MRPS27: variants seen among roughly 807,000 people sequenced by gnomAD.
MRPS27 encodes the protein mitochondrial ribosomal protein S27.
Under a neutral mutation model 48.9 loss-of-function variants are expected in MRPS27, and 43 were observed. That is an observed-to-expected ratio of 0.88 (90% CI 0.69 to 1.13). MRPS27 has a LOEUF of 1.13. Among genes scored for constraint, MRPS27 ranks in the 50% most tolerant of loss-of-function variants. The probability of loss-of-function intolerance (pLI) is 0.00; values close to 1 mark genes in which losing one functional copy is unlikely to be tolerated. For missense variants in MRPS27, 467 were observed against 476.3 expected, an observed-to-expected ratio of 0.98 and a Z score of 0.18; for synonymous variants, 188 against 171.9, an observed-to-expected ratio of 1.09 and a Z score of -0.73.
At chr5:72,284,424 T>C (rs529395585) in intron 4 of MRPS27, among the ~76,000 whole-genome samples, 9 of 150,046 alleles carry the variant, frequency 6.0e-5, no homozygotes, top group Admixed American at 4.0e-4. Flanking sequence ...ACCCTGTCTT[T>C]AAATTAAAAA....
At chr5:72,279,648 T>C (rs1001623604) in intron 4 of MRPS27, among the ~76,000 whole-genome samples, 2 of 151,842 alleles carry the variant, frequency 1.3e-5, no homozygotes, top group African/African-American at 2.4e-5. Context: ...TTCTGAATCA[T>C]GGAAGACAAC....
intron 4 of MRPS27, among the ~76,000 whole-genome samples, chr5:72,291,738 C>T (rs114162545): frequency 3.9e-5 from 6 of 152,276 alleles, no homozygotes; most frequent in Non-Finnish European, 7.4e-5. Flanking sequence ...CTGTAGACAC[C>T]GATAAGGCAG....
chr5:72,299,974 T>A (rs1750086033), intron 2 of MRPS27, among the ~76,000 whole-genome samples: 1 of 152,178 alleles, frequency 6.6e-6, no homozygotes, highest in Non-Finnish European at 1.5e-5. Context: ...TTGAATGGTG[T>A]TAAACAAAAA....
At chr5:72,221,254 G>T in intron 10 of MRPS27, 106 bp from the exon 11 acceptor site, 1 of 1,388,102 alleles carries the variant, frequency 7.2e-7, no homozygotes, top group Non-Finnish European at 9.8e-7. Context: ...TTGAACAAAA[G>T]TTTGCTGACT....
intron 2 of MRPS27, among the ~76,000 whole-genome samples, chr5:72,304,279 CAAAAATA>C (rs1206311669): frequency 6.6e-6 from 1 of 150,816 alleles, no homozygotes; most frequent in Non-Finnish European, 1.5e-5. Flanking sequence ...AAAATCAATC[CAAAAATA>C]AAAAATAAAG....
intron 2 of MRPS27, among the ~76,000 whole-genome samples, chr5:72,306,174 G>A (rs180734305): frequency 1.3e-5 from 2 of 152,230 alleles, no homozygotes; most frequent in East Asian, 3.9e-4. Context: ...CTATTTCAGG[G>A]TAAGTAAACT....
intron 4 of MRPS27, among the ~76,000 whole-genome samples, chr5:72,289,311 A>C (rs889678057): frequency 1.3e-5 from 2 of 152,240 alleles, no homozygotes; most frequent in African/African-American, 4.8e-5. Flanking sequence ...CTGTATTCTG[A>C]GAAAAACTCA....
intron 7 of MRPS27, among the ~76,000 whole-genome samples, chr5:72,230,173 G>A (rs530367166): frequency 6.6e-6 from 1 of 152,244 alleles, no homozygotes; most frequent in African/African-American, 2.4e-5. Context: ...AAGATTACAG[G>A]CATGAGCCAC....
chr5:72,304,443 TATATAAATC>T (rs1228484540), intron 2 of MRPS27, among the ~76,000 whole-genome samples: 1 of 152,116 alleles, frequency 6.6e-6, no homozygotes, highest in Non-Finnish European at 1.5e-5. Flanking sequence ...AAAAGCTAGC[TATATAAATC>T]ATATAAACAC....
chr5:72,307,313 T>C (rs1055351365), intron 2 of MRPS27, among the ~76,000 whole-genome samples: 1 of 152,156 alleles, frequency 6.6e-6, no homozygotes, highest in South Asian at 2.1e-4. Context: ...GATCGTGCCA[T>C]TGCACTCCAA....
intron 4 of MRPS27, among the ~76,000 whole-genome samples, chr5:72,290,047 A>T (rs1561356440): frequency 6.6e-6 from 1 of 152,250 alleles, no homozygotes; most frequent in Non-Finnish European, 1.5e-5. Flanking sequence ...GAATGGTTAA[A>T]GCTTGTCATA....
At chr5:72,225,044 G>C (rs1311399897) in intron 9 of MRPS27, among the ~76,000 whole-genome samples, 2 of 152,196 alleles carry the variant, frequency 1.3e-5, no homozygotes, top group Non-Finnish European at 2.9e-5. Flanking sequence ...CTGTTAGAAT[G>C]CAAAGAATGC....
At chr5:72,249,204 C>T (rs1367399822) in intron 4 of MRPS27, among the ~76,000 whole-genome samples, 1 of 152,174 alleles carries the variant, frequency 6.6e-6, no homozygotes, top group African/African-American at 2.4e-5. Context: ...AATAGTTCTA[C>T]TTCTATACCT....
Position 72,219,801 on chromosome 5 carries a change from C to T in MRPS27, c.*1108G>A, listed in dbSNP as rs1295373153. On this transcript the variant is annotated 3_prime_UTR_variant, in exon 11 of 11. Transcript: ENST00000261413. ...AAGTTGTGTGTGCATGCACATGTGCCTCTGTGTGTACACAAAAGGCTCATT... is the reference window on the plus strand; with the variant it reads ...AAGTTGTGTGTGCATGCACATGTGCTTCTGTGTGTACACAAAAGGCTCATT... 1 of 152,082 alleles carries T rather than the reference C, an allele frequency of 6.6e-6. No homozygotes were observed. The highest frequency in any genetic ancestry group is 1.9e-4 in the East Asian group (1 of 5,182). The allele number at this position is 152,082 out of a possible 1,614,324, so 9.4% of individuals were successfully genotyped here. A position where few individuals can be genotyped will look rare whatever the true frequency, so the allele number is the denominator to read the frequency against.
At chr5:72,307,176 A>AC (rs965550944) in intron 2 of MRPS27, among the ~76,000 whole-genome samples, 4 of 152,060 alleles carry the variant, frequency 2.6e-5, no homozygotes, top group East Asian at 1.9e-4. Flanking sequence ...AAAAGGCAAG[A>AC]CCCCATCTCT....
intron 4 of MRPS27, among the ~76,000 whole-genome samples, chr5:72,238,852 C>T (rs1383021503): frequency 6.6e-6 from 1 of 152,130 alleles, no homozygotes; most frequent in East Asian, 1.9e-4. Flanking sequence ...ATTCCAAATG[C>T]TGCTTTTTCC....
intron 1 of MRPS27, among the ~76,000 whole-genome samples, chr5:72,318,642 A>G (rs1750632013): frequency 6.6e-6 from 1 of 152,196 alleles, no homozygotes; most frequent in Admixed American, 6.5e-5. Flanking sequence ...TGAAAATACA[A>G]AATTAGCCGG....
At chr5:72,241,603 G>A (rs892477040) in intron 4 of MRPS27, 11 of 1,508,778 alleles carry the variant, frequency 7.3e-6, no homozygotes, top group African/African-American at 1.4e-5. Flanking sequence ...TCAACTTCCA[G>A]TAGTAATATG....
intron 5 of MRPS27, among the ~76,000 whole-genome samples, chr5:72,234,403 T>C (rs1473363969): frequency 6.6e-6 from 1 of 152,030 alleles, no homozygotes; most frequent in Non-Finnish European, 1.5e-5. Flanking sequence ...GTGAGAAAGT[T>C]GTGAGTCTGA....
Sources: allele counts gnomAD v4.1 joint callset (sites outside exome capture counted in the v4.1 genomes callset), GRCh38; gene constraint gnomAD v4.1.1; transcripts MANE v1.5; gene names NCBI Gene and HGNC (gene_info 2026-07-23, HGNC 2026-07-21).